Variants in PEX14 observed in about 807,000 individuals in gnomAD.
PEX14 encodes the protein peroxisomal biogenesis factor 14.
PEX14 carries 15 observed loss-of-function variants against 49.5 expected under a neutral mutation model. The observed-to-expected ratio is 0.30, with a 90% CI of 0.20 to 0.47. The LOEUF (loss-of-function observed/expected upper bound fraction) is 0.47, where lower values mean the gene tolerates loss of function less well. PEX14 is among the 20% of genes least tolerant of loss of function. PEX14 has a pLI of 1.00. For synonymous variants in PEX14, 210 were observed against 212.7 expected (o/e 0.99, Z 0.11); for missense variants, 398 against 494.8 (o/e 0.80, Z 1.86).
intron 5 of PEX14, among the ~76,000 whole-genome samples, chr1:10,620,657 G>A (rs1387444898): frequency 1.3e-5 from 2 of 152,050 alleles, no homozygotes; most frequent in Admixed American, 6.5e-5. Context: ...GTGTCATGGC[G>A]TGCACCTGTA....
chr1:10,547,060 G>GAGCTGTGGAGCTCAAGTGCATGTCCTTGC (rs1639198469), intron 3 of PEX14, among the ~76,000 whole-genome samples: 1 of 152,114 alleles, frequency 6.6e-6, no homozygotes, highest in African/African-American at 2.4e-5. Flanking sequence ...GCTGTCACTG[G>GAGCTGTGGAGCTCAAGTGCATGTCCTTGC]AGCTGTGGAG....
chr1:10,518,549 G>A (rs7419116), intron 2 of PEX14, among the ~76,000 whole-genome samples: 79,365 of 152,042 alleles, frequency 0.52, 20,746 homozygotes, highest in East Asian at 0.59. Context: ...GGAAATCCAC[G>A]GGTGAACCCT....
chr1:10,626,158 T>C (rs1355276683), intron 7 of PEX14, among the ~76,000 whole-genome samples: 1 of 152,244 alleles, frequency 6.6e-6, no homozygotes, highest in Non-Finnish European at 1.5e-5. Flanking sequence ...TTAAAGAGGC[T>C]GGCTAAAAAG....
At chr1:10,568,871 C>T (rs1639890188) in intron 3 of PEX14, among the ~76,000 whole-genome samples, 1 of 152,074 alleles carries the variant, frequency 6.6e-6, no homozygotes, top group Non-Finnish European at 1.5e-5. Context: ...TCCCAAGTAG[C>T]TGGGATTACA....
intron 1 of PEX14, among the ~76,000 whole-genome samples, chr1:10,478,686 CT>C (rs1641234654): frequency 6.6e-6 from 1 of 152,020 alleles, no homozygotes; most frequent in Non-Finnish European, 1.5e-5. Flanking sequence ...TCAGGCAATC[CT>C]TTCGTCTCAG....
intron 3 of PEX14, among the ~76,000 whole-genome samples, chr1:10,567,484 A>T (rs1245842114): frequency 6.6e-6 from 1 of 152,180 alleles, no homozygotes; most frequent in East Asian, 1.9e-4. Context: ...TAGCTTGCCC[A>T]GTAAAAAATG....
intron 1 of PEX14, among the ~76,000 whole-genome samples, chr1:10,486,065 G>C (rs750942910): frequency 6.6e-6 from 1 of 151,976 alleles, no homozygotes; most frequent in East Asian, 1.9e-4. Context: ...GCCTCTAGTA[G>C]CTTTTTTGTA....
intron 4 of PEX14, among the ~76,000 whole-genome samples, chr1:10,605,197 T>C (rs1166659023): frequency 6.6e-6 from 1 of 152,152 alleles, no homozygotes; most frequent in East Asian, 1.9e-4. Context: ...GGAAATGTGC[T>C]TGAGAATGGA....
intron 4 of PEX14, among the ~76,000 whole-genome samples, chr1:10,605,168 G>C (rs1641091391): frequency 6.6e-6 from 1 of 152,142 alleles, no homozygotes; most frequent in Admixed American, 6.6e-5. Context: ...AAATGCTTGT[G>C]GAATGGATTA....
At chr1:10,510,187 G>A (rs980588330) in intron 2 of PEX14, among the ~76,000 whole-genome samples, 47 of 152,110 alleles carry the variant, frequency 3.1e-4, no homozygotes, top group Non-Finnish European at 1.0e-4. Flanking sequence ...TGGTTTACAG[G>A]TTTCAGCCTC....
chr1:10,547,125 C>T (rs1443452858), intron 3 of PEX14, among the ~76,000 whole-genome samples: 1 of 152,108 alleles, frequency 6.6e-6, no homozygotes, highest in Admixed American at 6.5e-5. Flanking sequence ...TGCTGCTGCC[C>T]CCACTGCAAG....
chr1:10,625,071 A>C (rs377368996), intron 7 of PEX14, among the ~76,000 whole-genome samples: 1 of 152,310 alleles, frequency 6.6e-6, no homozygotes, highest in East Asian at 1.9e-4. Flanking sequence ...ACCACAGGCA[A>C]GTTACTTAAC....
intron 3 of PEX14, among the ~76,000 whole-genome samples, chr1:10,544,319 T>G (rs935407704): frequency 6.6e-6 from 1 of 152,212 alleles, no homozygotes; most frequent in Non-Finnish European, 1.5e-5. Context: ...AAAGGCTAAG[T>G]TGAGCTAATA....
chr1:10,618,300 T>C, intron 4 of PEX14, 32 bp from the exon 5 acceptor site: 4 of 1,587,294 alleles, frequency 2.5e-6, no homozygotes, highest in Non-Finnish European at 3.5e-6. Context: ...GCCATGTGCG[T>C]CTTCTAACCC....
At chr1:10,522,848 G>C (rs550793963) in intron 2 of PEX14, among the ~76,000 whole-genome samples, 62 of 152,270 alleles carry the variant, frequency 4.1e-4, no homozygotes, top group African/African-American at 1.4e-3. Flanking sequence ...TTTTGGCTGG[G>C]AATTATGTAA....
chr1:10,478,425 G>A (rs943548536), intron 1 of PEX14, among the ~76,000 whole-genome samples: 2 of 152,176 alleles, frequency 1.3e-5, no homozygotes, highest in African/African-American at 4.8e-5. Context: ...TGCCCTGAAT[G>A]CTAGTGTTTA....
At chr1:10,574,034 G>C (rs1427738409) in intron 3 of PEX14, among the ~76,000 whole-genome samples, 2 of 152,190 alleles carry the variant, frequency 1.3e-5, no homozygotes, top group Non-Finnish European at 1.5e-5. Flanking sequence ...CCTGGGAGGT[G>C]GAGGTTGCAG....
rs201704437 is a variant in PEX14, at chr1:10,618,433, C to A, written c.384+16C>A. 4 of 1,591,592 alleles carry A rather than the reference C, an allele frequency of 2.5e-6. No homozygotes were observed. In the African/African-American group the frequency reaches 4.0e-5, roughly 16 times the overall value. On this transcript the variant is annotated intron_variant, in intron 5 of 8. Coordinates refer to ENST00000356607, the MANE Select transcript of PEX14 (RefSeq NM_004565.3). ...GCTCTACAAGGTGAGTCACCCCCAG[C>A]GGCTGCAGGTGCTGTGCCCCTGCCA...
chr1:10,555,978 C>G (rs1639476668), intron 3 of PEX14, among the ~76,000 whole-genome samples: 1 of 151,964 alleles, frequency 6.6e-6, no homozygotes, highest in Admixed American at 6.5e-5. Context: ...TTGGCGCAGG[C>G]ACTGCTGGAC....
Sources: allele counts gnomAD v4.1 joint callset (sites outside exome capture counted in the v4.1 genomes callset), GRCh38; gene constraint gnomAD v4.1.1; transcripts MANE v1.5; gene names NCBI Gene and HGNC (gene_info 2026-07-23, HGNC 2026-07-21).